The following MGAT4A variants were observed in gnomAD, a reference collection of about 807,000 sequenced individuals.
MGAT4A encodes N-acetylglucosaminyltransferase IVa.
A neutral mutation model predicts 74.1 loss-of-function variants in MGAT4A; 33 were observed. The observed-to-expected ratio is 0.45, with a 90% CI of 0.34 to 0.60. The LOEUF (loss-of-function observed/expected upper bound fraction) is 0.60. Among genes scored for constraint, MGAT4A ranks in the 20% least tolerant of loss-of-function variants. The probability of loss-of-function intolerance (pLI) is 0.02; values close to 1 mark genes in which losing one functional copy is unlikely to be tolerated. For synonymous variants in MGAT4A, 198 were observed against 210.4 expected (o/e 0.94, Z 0.51); for missense variants, 479 against 628.3 (o/e 0.76, Z 2.54).
chr2:98,718,800 T>C (rs1702624130), intron 2 of MGAT4A, among the ~76,000 whole-genome samples: 1 of 152,132 alleles, frequency 6.6e-6, no homozygotes, highest in Non-Finnish European at 1.5e-5. Flanking sequence ...GTGCTGAGAA[T>C]ATTAGGGCCC....
chr2:98,715,604 A>T (rs1354707027), intron 2 of MGAT4A, among the ~76,000 whole-genome samples: 1 of 152,210 alleles, frequency 6.6e-6, no homozygotes, highest in East Asian at 1.9e-4. Flanking sequence ...GAACACATGG[A>T]CACACAGAGG....
At chr2:98,702,457 C>G (rs1381033526) in intron 2 of MGAT4A, among the ~76,000 whole-genome samples, 1 of 152,220 alleles carries the variant, frequency 6.6e-6, no homozygotes, top group Non-Finnish European at 1.5e-5. Context: ...GCTTATAAAG[C>G]TCTTCACACA....
At chr2:98,710,866 T>C (rs1426395101) in intron 2 of MGAT4A, among the ~76,000 whole-genome samples, 1 of 152,090 alleles carries the variant, frequency 6.6e-6, no homozygotes, top group Non-Finnish European at 1.5e-5. Context: ...TATCTGTGTG[T>C]ACAATAATGA....
At position 98,624,725 on chromosome 2, in the gene MGAT4A, T is replaced by G; in HGVS notation, c.*841A>C. The stretch of plus-strand genomic sequence containing the variant: ...ACATATCAGAGGAAATATAATAAGT[T>G]AAGTCTACAATAATCTGGGTTGAAT... On this transcript the variant is annotated 3_prime_UTR_variant, in exon 16 of 16. Coordinates refer to ENST00000393487, the MANE Select transcript of MGAT4A (RefSeq NM_012214.3). The G allele has an allele frequency of 1.0e-6, 1 of 983,380 alleles. No homozygotes were observed. The highest frequency in any genetic ancestry group is 1.2e-6 in the Non-Finnish European group (1 of 827,868). 60.9% of individuals were successfully genotyped at this position (983,380 alleles called of 1,614,324 possible). A position where few individuals can be genotyped will look rare whatever the true frequency, so the allele number is the denominator to read the frequency against.
intron 2 of MGAT4A, among the ~76,000 whole-genome samples, chr2:98,687,343 GTAGATAGTTCTTCAT>G (rs984719566): frequency 2.0e-5 from 3 of 152,138 alleles, no homozygotes; most frequent in African/African-American, 7.2e-5. Context: ...AGTGTACTAT[GTAGATAGTTCTTCAT>G]TAGAACTATC....
At chr2:98,706,329 C>A (rs901696993) in intron 2 of MGAT4A, among the ~76,000 whole-genome samples, 1 of 152,062 alleles carries the variant, frequency 6.6e-6, no homozygotes, top group Admixed American at 6.5e-5. Context: ...GGAGGGGCCA[C>A]CGAGGTGTGT....
rs1053038290 is a variant in MGAT4A, at chr2:98,701,422, A to C, written c.95-22951T>G. Among the ~76,000 whole-genome samples the C allele has an allele frequency of 3.3e-5, 5 of 152,346 alleles. No individual in the cohort carries two copies. In the East Asian group the frequency reaches 9.6e-4, roughly 29 times the overall value. Reference sequence around the variant, plus strand: ...AGTAATGTTTCTGAAGCAGCACAAAAAAATCAGTTAATGTTCTGTAATAAC... The same window carrying C: ...AGTAATGTTTCTGAAGCAGCACAAACAAATCAGTTAATGTTCTGTAATAAC... On this transcript the variant is annotated intron_variant, in intron 2 of 15. Coordinates refer to ENST00000393487, the MANE Select transcript of MGAT4A (RefSeq NM_012214.3).
At chr2:98,635,475 C>T (rs1006841324) in intron 13 of MGAT4A, among the ~76,000 whole-genome samples, 187 bp from the exon 14 acceptor site, 17 of 152,144 alleles carry the variant, frequency 1.1e-4, no homozygotes, top group African/African-American at 3.9e-4. Context: ...CTTAAGCCAT[C>T]GTTTGAATCT....
intron 5 of MGAT4A, among the ~76,000 whole-genome samples, chr2:98,662,109 G>A (rs531824888): frequency 4.6e-5 from 7 of 152,260 alleles, no homozygotes; most frequent in Non-Finnish European, 7.4e-5. Context: ...GCGAACCCAG[G>A]CGGAAAAACA....
intron 14 of MGAT4A, among the ~76,000 whole-genome samples, chr2:98,633,518 G>A (rs576896246): frequency 5.3e-5 from 8 of 152,140 alleles, no homozygotes; most frequent in Non-Finnish European, 1.0e-4. Flanking sequence ...TTTTGCTAAC[G>A]AGAGGGTCAA....
intron 8 of MGAT4A, among the ~76,000 whole-genome samples, chr2:98,653,331 T>C (rs1353512747): frequency 1.1e-5 from 1 of 94,642 alleles, no homozygotes; most frequent in Non-Finnish European, 2.3e-5. Context: ...ATCAGATAAA[T>C]AAATAGAAAA....
At chr2:98,636,138 G>A (rs145274812) in intron 13 of MGAT4A, among the ~76,000 whole-genome samples, 1,520 of 151,808 alleles carry the variant, frequency 0.01, 15 homozygotes, top group African/African-American at 0.021. Flanking sequence ...GATTACAGGC[G>A]CATGCCACGA....
intron 4 of MGAT4A, among the ~76,000 whole-genome samples, chr2:98,674,041 T>G (rs1202612879): frequency 6.6e-6 from 1 of 152,140 alleles, no homozygotes; most frequent in Non-Finnish European, 1.5e-5. Context: ...TCCACCTCCT[T>G]AAGAAGGAAG....
At chr2:98,683,419 T>C (rs1270986179) in intron 2 of MGAT4A, among the ~76,000 whole-genome samples, 1 of 152,162 alleles carries the variant, frequency 6.6e-6, no homozygotes, top group African/African-American at 2.4e-5. Flanking sequence ...TTTCTGCAAT[T>C]TACTCTGAAA....
At chr2:98,697,634 T>C (rs1288861463) in intron 2 of MGAT4A, among the ~76,000 whole-genome samples, 3 of 152,232 alleles carry the variant, frequency 2.0e-5, no homozygotes, top group Non-Finnish European at 2.9e-5. Context: ...CTCTCTGTCT[T>C]TGCAGCTTCC....
chr2:98,724,027 A>C (rs911301664), intron 2 of MGAT4A, among the ~76,000 whole-genome samples: 1 of 152,214 alleles, frequency 6.6e-6, no homozygotes, highest in Non-Finnish European at 1.5e-5. Context: ...ACAGGCAAGC[A>C]CTGTTATTGT....
At chr2:98,721,227 C>T (rs1412288955) in intron 2 of MGAT4A, among the ~76,000 whole-genome samples, 2 of 152,068 alleles carry the variant, frequency 1.3e-5, no homozygotes, top group Non-Finnish European at 2.9e-5. Context: ...AAAGACATAC[C>T]TAAATAAACA....
In MGAT4A at chr2:98,656,579, T is replaced by A. The variant is rs549805183; in HGVS notation, c.585-114A>T. On this transcript the variant is annotated intron_variant, in intron 6 of 15. Coordinates refer to ENST00000393487, the MANE Select transcript of MGAT4A (RefSeq NM_012214.3). The stretch of plus-strand genomic sequence containing the variant: ...ATCAGTAATCATTTGTAGCAACGTA[T>A]AATGTTATGGCCGCAAGGTGTTAAA... 2.7e-5 allele frequency: 18 copies of A among 659,488 alleles called. 1 individual carries two copies. Among genetic ancestry groups the A allele is most frequent in the Admixed American group, 1.9e-4 (6 of 31,416 alleles). The allele number at this position is 659,488 out of a possible 1,614,324, so 40.9% of individuals were successfully genotyped here. A position where few individuals can be genotyped will look rare whatever the true frequency, so the allele number is the denominator to read the frequency against.
In MGAT4A at chr2:98,623,882, G is replaced by A. The variant is rs938078355; in HGVS notation, c.*1684C>T. On this transcript the variant is annotated 3_prime_UTR_variant, in exon 16 of 16. Coordinates refer to ENST00000393487, the MANE Select transcript of MGAT4A (RefSeq NM_012214.3). ...CAGCCAGCTGGAACCTTGCCCCAGC[G>A]CTAGGCCCCAGCCAGTGGTCACTCT... The A allele has an allele frequency of 6.1e-6, 6 of 985,436 alleles. No individual in the cohort carries two copies. The highest frequency in any genetic ancestry group is 7.2e-6 in the Non-Finnish European group (6 of 829,976). 61.0% of individuals were successfully genotyped at this position (985,436 alleles called of 1,614,324 possible).
Sources: gnomAD v4.1 joint callset for allele counts (sites outside exome capture counted in the v4.1 genomes callset) on GRCh38, gnomAD v4.1.1 for gene constraint, MANE v1.5 for transcripts, NCBI Gene and HGNC (gene_info 2026-07-23, HGNC 2026-07-21) for gene names.